The following NDUFS4 variants were observed in gnomAD, a reference collection of about 807,000 sequenced individuals.
NDUFS4 encodes the protein NADH dehydrogenase [ubiquinone] iron-sulfur protein 4, mitochondrial.
NDUFS4 carries 28 observed loss-of-function variants against 24.3 expected under a neutral mutation model. The ratio of observed to expected loss-of-function variants is 1.15; its 90% CI spans 0.85 to 1.58. The LOEUF is 1.58. Among genes scored for constraint, NDUFS4 ranks in the 40% most tolerant of loss-of-function variants. The pLI, the probability that NDUFS4 is intolerant of heterozygous loss-of-function variation, is 0.00. For missense variants in NDUFS4, 223 were observed against 207.9 expected (o/e 1.07, Z -0.45); for synonymous variants, 93 against 69.7 (o/e 1.34, Z -1.67).
chr5:53,625,866 C>G (rs902599125), intron 2 of NDUFS4, among the ~76,000 whole-genome samples: 3 of 151,906 alleles, frequency 2.0e-5, no homozygotes, highest in African/African-American at 7.3e-5. Context: ...GTTGTTGTTT[C>G]CCTTTTACAT....
chr5:53,617,856 T>C (rs1233414085), intron 2 of NDUFS4, among the ~76,000 whole-genome samples: 2 of 152,238 alleles, frequency 1.3e-5, no homozygotes, highest in Admixed American at 6.5e-5. Flanking sequence ...CTTAGATCTT[T>C]AGTCATCTCT....
chr5:53,667,486 CAAA>C (rs34400470), intron 4 of NDUFS4, among the ~76,000 whole-genome samples: 36,436 of 135,860 alleles, frequency 0.27, 6,081 homozygotes, highest in East Asian at 0.48. Context: ...ACTCTGTCTC[CAAA>C]AAAAAAAAAA....
intron 2 of NDUFS4, among the ~76,000 whole-genome samples, chr5:53,633,959 A>G (rs1013433663): frequency 6.6e-6 from 1 of 152,226 alleles, no homozygotes; most frequent in African/African-American, 2.4e-5. Flanking sequence ...TGGGATTTTG[A>G]TAAATGGACC....
chr5:53,567,005 C>T (rs537946653), intron 1 of NDUFS4, among the ~76,000 whole-genome samples: 32 of 152,002 alleles, frequency 2.1e-4, no homozygotes, highest in Admixed American at 1.2e-3. Flanking sequence ...CGCACCACCA[C>T]GCCTGGATAA....
chr5:53,583,136 C>G (rs1392816951), intron 1 of NDUFS4, among the ~76,000 whole-genome samples: 1 of 152,134 alleles, frequency 6.6e-6, no homozygotes, highest in Non-Finnish European at 1.5e-5. Flanking sequence ...CTCGGCCTCC[C>G]AAAGTGCTGG....
At chr5:53,603,351 T>TTTTAAA in intron 1 of NDUFS4, 101 bp from the exon 2 acceptor site, 1 of 789,092 alleles carries the variant, frequency 1.3e-6, no homozygotes, top group Non-Finnish European at 2.0e-6. Flanking sequence ...TTTTTTTTTT[T>TTTTAAA]AATAAGACAG....
At chr5:53,565,940 A>G (rs1435750096) in intron 1 of NDUFS4, among the ~76,000 whole-genome samples, 1 of 151,294 alleles carries the variant, frequency 6.6e-6, no homozygotes, top group Non-Finnish European at 1.5e-5. Context: ...TTGGGAGGCC[A>G]AGGCGGGTGG....
chr5:53,650,175 A>T (rs1751977372), intron 3 of NDUFS4, among the ~76,000 whole-genome samples: 1 of 152,192 alleles, frequency 6.6e-6, no homozygotes, highest in Non-Finnish European at 1.5e-5. Flanking sequence ...TCCCAGCAAC[A>T]TTCAGTAATA....
chr5:53,580,493 A>G (rs1749523697), intron 1 of NDUFS4, among the ~76,000 whole-genome samples: 2 of 152,202 alleles, frequency 1.3e-5, no homozygotes, highest in South Asian at 4.1e-4. Flanking sequence ...CCTGCTCTTC[A>G]TGAAAGATGT....
chr5:53,658,773 ACACCCACCTCC>A, intron 4 of NDUFS4, 149 bp downstream of exon 4: 1 of 348,842 alleles, frequency 2.9e-6, no homozygotes. Context: ...CTACATCAGA[ACACCCACCTCC>A]AAAAAAAAAA....
intron 3 of NDUFS4, among the ~76,000 whole-genome samples, chr5:53,652,827 C>T (rs1176345887): frequency 6.6e-6 from 1 of 151,934 alleles, no homozygotes; most frequent in Non-Finnish European, 1.5e-5. Flanking sequence ...GGGTTTGACC[C>T]AAGTGTTTTT....
At chr5:53,573,821 A>G (rs937577929) in intron 1 of NDUFS4, 8 of 218,320 alleles carry the variant, frequency 3.7e-5, no homozygotes, top group African/African-American at 1.9e-4. Flanking sequence ...CAAACTCCTG[A>G]CCTCAGGTGA....
intron 2 of NDUFS4, among the ~76,000 whole-genome samples, chr5:53,643,480 G>A (rs1253464305): frequency 6.6e-6 from 1 of 152,090 alleles, no homozygotes; most frequent in Non-Finnish European, 1.5e-5. Context: ...CACACAAAGC[G>A]TTGAAGACAC....
chr5:53,660,464 G>T (rs1348164762), intron 4 of NDUFS4, among the ~76,000 whole-genome samples: 1 of 152,074 alleles, frequency 6.6e-6, no homozygotes, highest in Non-Finnish European at 1.5e-5. Context: ...AAACATATGT[G>T]TGCATGTGTC....
chr5:53,606,013 CA>C (rs11329751), intron 2 of NDUFS4, among the ~76,000 whole-genome samples: 18,031 of 76,896 alleles, frequency 0.23, 1,446 homozygotes, highest in East Asian at 0.55. Context: ...GACTCCGTCT[CA>C]AAAAAAAAAA....
At chr5:53,680,455 A>G (rs1341730742) in intron 4 of NDUFS4, among the ~76,000 whole-genome samples, 2 of 152,196 alleles carry the variant, frequency 1.3e-5, no homozygotes, top group South Asian at 2.1e-4. Context: ...ATGTCCAACA[A>G]TGATAGACTG....
chr5:53,567,646 G>C (rs1377328691), intron 1 of NDUFS4, among the ~76,000 whole-genome samples: 3 of 151,852 alleles, frequency 2.0e-5, no homozygotes, highest in African/African-American at 7.3e-5. Context: ...TTCAGTGTCT[G>C]CTATGCTTTC....
In NDUFS4 at chr5:53,681,605, T is replaced by G. The variant is rs145224952; in HGVS notation, c.425-1513T>G. 6.1e-4 allele frequency among the ~76,000 whole-genome samples: 93 copies of G among 152,246 alleles called. No individual in the cohort carries two copies. In the East Asian group the frequency reaches 0.01, roughly 16 times the overall value. On this transcript the variant is annotated intron_variant, in intron 4 of 4. Transcript: ENST00000296684. Reference sequence around the variant, plus strand: ...TTTGTAACTTTAATGGATAAGAAAGTTCTCAAAACATATTTTCTACTCTGT... The same window carrying G: ...TTTGTAACTTTAATGGATAAGAAAGGTCTCAAAACATATTTTCTACTCTGT...
chr5:53,651,835 C>T (rs1485023011), intron 3 of NDUFS4, among the ~76,000 whole-genome samples: 6 of 146,426 alleles, frequency 4.1e-5, no homozygotes, highest in South Asian at 2.1e-4. Context: ...GTGCAGTGGG[C>T]GATCTCGGCT....
Sources: allele counts gnomAD v4.1 joint callset (sites outside exome capture counted in the v4.1 genomes callset), GRCh38; gene constraint gnomAD v4.1.1; transcripts MANE v1.5; gene names NCBI Gene and HGNC (gene_info 2026-07-23, HGNC 2026-07-21).